The following AHI1 variants were observed in gnomAD, a reference collection of about 807,000 sequenced individuals.
AHI1 encodes the protein jouberin.
In AHI1, 123 loss-of-function variants were observed where a neutral mutation model predicts 149.3. The observed-to-expected ratio is 0.82, with a 90% CI of 0.71 to 0.96. AHI1 has a LOEUF of 0.96. Ranked by LOEUF, AHI1 falls within the 40% of genes least tolerant of loss-of-function variation. The pLI, the probability that AHI1 is intolerant of heterozygous loss-of-function variation, is 0.00. For synonymous variants in AHI1, 475 were observed against 459.8 expected (o/e 1.03, Z -0.42); for missense variants, 1,439 against 1,422.7 (o/e 1.01, Z -0.18).
chr6:135,423,308 T>C (rs1286708914), intron 20 of AHI1, among the ~76,000 whole-genome samples: 1 of 152,198 alleles, frequency 6.6e-6, no homozygotes. Context: ...TCTATAGGAT[T>C]TGTAATTGTT....
intron 20 of AHI1, among the ~76,000 whole-genome samples, chr6:135,416,921 C>A (rs545717787): frequency 6.6e-6 from 1 of 152,124 alleles, no homozygotes; most frequent in Non-Finnish European, 1.5e-5. Flanking sequence ...AGAAGTGTAG[C>A]CATTTCTCTG....
Position 135,490,758 on chromosome 6 carries a change from T to A in AHI1, c.11-11A>T. 6.2e-7 allele frequency: 1 copy of A among 1,611,694 alleles called. No homozygotes were observed. The highest frequency in any genetic ancestry group is 8.5e-7 in the Non-Finnish European group (1 of 1,178,950). On this transcript the variant is annotated splice_polypyrimidine_tract_variant and intron_variant, in intron 4 of 28. Transcript: ENST00000265602. Reference sequence around the variant, plus strand: ...TTGCTTCACTCTCAGCTACAAAAGATACAGCCATGTGATTTTGTAAATGAC... The same window carrying A: ...TTGCTTCACTCTCAGCTACAAAAGAAACAGCCATGTGATTTTGTAAATGAC...
intron 27 of AHI1, among the ~76,000 whole-genome samples, chr6:135,295,293 C>T (rs1782944719): frequency 6.6e-6 from 1 of 152,184 alleles, no homozygotes; most frequent in Admixed American, 6.5e-5. Context: ...AAGCAGAACT[C>T]ATACATGTTG....
chr6:135,362,726 TTGC>T (rs1474223287), intron 23 of AHI1, among the ~76,000 whole-genome samples: 1 of 152,092 alleles, frequency 6.6e-6, no homozygotes, highest in Admixed American at 6.5e-5. Context: ...TTTTTTTTTC[TTGC>T]TGATTTGTTT....
chr6:135,352,304 C>A (rs1582760654), intron 24 of AHI1, among the ~76,000 whole-genome samples: 1 of 152,168 alleles, frequency 6.6e-6, no homozygotes, highest in East Asian at 1.9e-4. Flanking sequence ...GCCCAAATCA[C>A]ATTTTCCAAT....
chr6:135,397,892 C>T (rs568362175), intron 22 of AHI1, among the ~76,000 whole-genome samples: 20 of 151,854 alleles, frequency 1.3e-4, no homozygotes, highest in African/African-American at 4.3e-4. Flanking sequence ...AAATTATAAC[C>T]GAAAGAATGT....
Position 135,325,697 on chromosome 6 carries a change from C to T in AHI1, c.3166-2373G>A, listed in dbSNP as rs149500879. On this transcript the variant is annotated intron_variant, in intron 24 of 28. Coordinates refer to ENST00000265602, the MANE Select transcript of AHI1 (RefSeq NM_001134831.2). ...CTTCCTTCCCTTCTTTCTTTCTCTT[C>T]CCCTAGTTCCAGGAAACTCTGTGAT... 3.6e-3 allele frequency among the ~76,000 whole-genome samples: 545 copies of T among 152,320 alleles called. 1 individual carries two copies. Among genetic ancestry groups the T allele is most frequent in the Middle Eastern group, 6.8e-3 (2 of 294 alleles).
At chr6:135,314,560 T>C (rs533840198) in intron 26 of AHI1, among the ~76,000 whole-genome samples, 5 of 152,388 alleles carry the variant, frequency 3.3e-5, no homozygotes, top group Non-Finnish European at 5.9e-5. Flanking sequence ...ATCAAATTCC[T>C]GCCAATCCTC....
intron 27 of AHI1, among the ~76,000 whole-genome samples, chr6:135,295,955 C>T (rs962667341): frequency 6.6e-6 from 1 of 152,128 alleles, no homozygotes; most frequent in East Asian, 1.9e-4. Context: ...CGGGTTCAAG[C>T]GATTCTCCTG....
At chr6:135,293,406 GAAAAAAAAAAAAA>G (rs71547029) in intron 27 of AHI1, among the ~76,000 whole-genome samples, 1 of 65,596 alleles carries the variant, frequency 1.5e-5, no homozygotes, top group South Asian at 4.5e-4. Context: ...AAAAAAAAAA[GAAAAAAAAAAAAA>G]AAAAAGAAAA....
At chr6:135,364,298 G>T (rs1794530530) in intron 23 of AHI1, among the ~76,000 whole-genome samples, 1 of 151,682 alleles carries the variant, frequency 6.6e-6, no homozygotes, top group African/African-American at 2.4e-5. Flanking sequence ...ACGATGGGCG[G>T]CCGGGCAGAG....
intron 14 of AHI1, among the ~76,000 whole-genome samples, chr6:135,439,602 C>G (rs1785949456): frequency 6.6e-6 from 1 of 152,184 alleles, no homozygotes; most frequent in South Asian, 2.1e-4. Flanking sequence ...TTGCTAGGAT[C>G]TACAGTAAAA....
intron 24 of AHI1, among the ~76,000 whole-genome samples, chr6:135,351,730 T>C (rs1218729003): frequency 6.6e-6 from 1 of 152,138 alleles, no homozygotes; most frequent in East Asian, 1.9e-4. Context: ...GGTGATGGGG[T>C]ACACCACAGG....
chr6:135,357,758 T>C (rs1276999565), intron 24 of AHI1, among the ~76,000 whole-genome samples: 1 of 152,220 alleles, frequency 6.6e-6, no homozygotes, highest in Non-Finnish European at 1.5e-5. Context: ...AATTGTTAAA[T>C]GCCTTTTGTT....
In AHI1 at chr6:135,448,446, GA is replaced by G; in HGVS notation, c.1469del (p.Ile490ThrfsTer20). On this transcript the variant is annotated frameshift_variant, in exon 12 of 29. Coordinates refer to ENST00000265602, the MANE Select transcript of AHI1 (RefSeq NM_001134831.2). LOFTEE classifies it high-confidence loss of function. ...KLLGANGNAN[I>X]NSKLRLQLYY... is the part of the protein sequence containing the mutation. ...ATAGCTGCAAGCGAAGTTTTGAGTT[GA>G]TGTTTGCATTTCCATTGGCTCCCAG... 6.5e-7 allele frequency: 1 copy of G among 1,541,270 alleles called. No individual in the cohort carries two copies. Among genetic ancestry groups the G allele is most frequent in the Non-Finnish European group, 8.8e-7 (1 of 1,130,212 alleles).
chr6:135,302,849 T>TCGAA (rs1417630021), intron 26 of AHI1: 1 of 1,283,738 alleles, frequency 7.8e-7, no homozygotes, highest in Non-Finnish European at 1.0e-6. Flanking sequence ...AGGCTGGTGT[T>TCGAA]CAATCAGCCC....
At position 135,469,805 on chromosome 6, in the gene AHI1, A is replaced by G. The variant is rs956677536; in HGVS notation, c.136-2171T>C. On this transcript the variant is annotated intron_variant, in intron 5 of 28. Coordinates refer to ENST00000265602, the MANE Select transcript of AHI1 (RefSeq NM_001134831.2). ...TGGACCCCTTCCTTATACCTTATAC[A>G]AAAATTAACTCAAGATAACTTAAAC... Among the ~76,000 whole-genome samples, 3 of 152,228 alleles carry G rather than the reference A, an allele frequency of 2.0e-5. No individual in the cohort carries two copies. The South Asian group carries it at 6.2e-4, about 31-fold the overall frequency.
At chr6:135,425,971 G>A (rs1317279265) in intron 20 of AHI1, among the ~76,000 whole-genome samples, 1 of 151,848 alleles carries the variant, frequency 6.6e-6, no homozygotes, top group African/African-American at 2.4e-5. Flanking sequence ...CCTCTTAAGA[G>A]TCTGAGGAAA....
intron 4 of AHI1, among the ~76,000 whole-genome samples, chr6:135,491,499 C>A (rs1795242969): frequency 6.6e-6 from 1 of 152,186 alleles, no homozygotes; most frequent in Non-Finnish European, 1.5e-5. Context: ...CACCTCCTGA[C>A]AAACTCATCT....
Sources: allele counts gnomAD v4.1 joint callset (sites outside exome capture counted in the v4.1 genomes callset), GRCh38; gene constraint gnomAD v4.1.1; transcripts MANE v1.5; gene names NCBI Gene and HGNC (gene_info 2026-07-23, HGNC 2026-07-21).